ATP8A2: variants seen among roughly 807,000 people sequenced by gnomAD.
ATP8A2 encodes ATPase phospholipid transporting 8A2, also known as phospholipid-transporting ATPase IB.
Under a neutral mutation model 165.6 loss-of-function variants are expected in ATP8A2, and 100 were observed. The ratio of observed to expected loss-of-function variants is 0.60; its 90% CI spans 0.51 to 0.71. The LOEUF is 0.71. ATP8A2 is among the 30% of genes least tolerant of loss of function. The probability of loss-of-function intolerance (pLI) is 0.00; values close to 1 mark genes in which losing one functional copy is unlikely to be tolerated. For synonymous variants in ATP8A2, 543 were observed against 548.8 expected, an observed-to-expected ratio of 0.99 and a Z score of 0.15; for missense variants, 1,227 against 1,479.5, an observed-to-expected ratio of 0.83 and a Z score of 2.80.
rs778237397 is a variant in ATP8A2 at position 25,553,830 on chromosome 13, G to A, written c.1095G>A (p.Thr365=). The A allele has an allele frequency of 3.7e-6, 6 of 1,613,518 alleles. No homozygotes were observed. The South Asian group carries it at 5.5e-5, about 15-fold the overall frequency. Reference sequence around the variant, plus strand: ...ATAATTTTGGATACAACCTACTGACGTTCATCATCTTATACAACAATCTTA... The same window carrying A: ...ATAATTTTGGATACAACCTACTGACATTCATCATCTTATACAACAATCTTA... ...TSDNFGYNLL[T]FIILYNNLIP... is the part of the protein sequence containing the mutation. Residue 365 remains threonine (T), a synonymous_variant, in exon 12 of 37, where the codon ACG becomes ACA. Coordinates refer to ENST00000381655, the MANE Select transcript of ATP8A2 (RefSeq NM_016529.6).
At chr13:25,782,763 G>A (rs372148300) in intron 27 of ATP8A2, among the ~76,000 whole-genome samples, 8 of 152,128 alleles carry the variant, frequency 5.3e-5, no homozygotes, top group South Asian at 2.1e-4. Context: ...TTTTTGAGAC[G>A]GAGTTTCACT....
At chr13:25,452,955 C>T (rs538974849) in intron 1 of ATP8A2, among the ~76,000 whole-genome samples, 10 of 151,126 alleles carry the variant, frequency 6.6e-5, no homozygotes, top group African/African-American at 2.4e-4. Context: ...ATTAGCCATG[C>T]ATGGTGGTGG....
Position 25,507,247 on chromosome 13 carries a change from GTGTGTGTGTGTGTGTGTA to G in ATP8A2, c.222-22750_222-22733del, listed in dbSNP as rs1309485816. 2.2e-3 allele frequency among the ~76,000 whole-genome samples: 180 copies of G among 82,012 alleles called. 1 individual carries two copies. The highest frequency in any genetic ancestry group is 7.1e-3 in the Admixed American group (50 of 7,036). 53.8% of individuals were successfully genotyped at this position (82,012 alleles called of 152,430 possible). On this transcript the variant is annotated intron_variant, in intron 2 of 36. Coordinates refer to ENST00000381655, the MANE Select transcript of ATP8A2 (RefSeq NM_016529.6). ...TGTGTGTGTGTGTGTGTGTGTGTGT[GTGTGTGTGTGTGTGTGTA>G]TTTTGTTGTTGTTGTTTTGAGAAAG...
At position 25,935,776 on chromosome 13, in the gene ATP8A2, TG is replaced by T; in HGVS notation, c.3184-25794del. Among the ~76,000 whole-genome samples, 4 of 152,150 alleles carry T rather than the reference TG, an allele frequency of 2.6e-5. No homozygotes were observed. In the South Asian group the frequency reaches 8.3e-4, roughly 32 times the overall value. On this transcript the variant is annotated intron_variant, in intron 33 of 36. Coordinates refer to ENST00000381655, the MANE Select transcript of ATP8A2 (RefSeq NM_016529.6). ...CTCCCATGAGACCCCACCTTCAACG[TG>T]GGGGATCACATCTCAACATGAGATA... is the stretch of plus-strand genomic sequence containing the variant.
intron 15 of ATP8A2, 48 bp downstream of exon 15, chr13:25,559,813 G>GAATAATAATA: frequency 7.4e-7 from 1 of 1,359,590 alleles, no homozygotes; most frequent in Non-Finnish European, 1.1e-6. Flanking sequence ...AAAGCTTTTG[G>GAATAATAATA]AATAATTATT....
chr13:25,961,900 T>A lies in ATP8A2; in HGVS notation c.3272+237T>A, dbSNP rs1301712966. On this transcript the variant is annotated intron_variant, in intron 34 of 36. Coordinates refer to ENST00000381655, the MANE Select transcript of ATP8A2 (RefSeq NM_016529.6). ...TCAGCTGGGCATGGCAGCGCATAGCTCTAGTCTCAGCTACTTAGGAGGCCA... is the reference window on the plus strand; with the variant it reads ...TCAGCTGGGCATGGCAGCGCATAGCACTAGTCTCAGCTACTTAGGAGGCCA... 2.0e-5 allele frequency among the ~76,000 whole-genome samples: 3 copies of A among 152,268 alleles called. No homozygotes were observed. In the East Asian group the frequency reaches 5.8e-4, roughly 29 times the overall value.
intron 1 of ATP8A2, among the ~76,000 whole-genome samples, chr13:25,415,059 T>C (rs596924): frequency 1 from 151,808 of 152,350 alleles, 75,636 homozygotes; most frequent in East Asian, 1. Context: ...AAAAGTGGCG[T>C]TGAAAGCCAA....
chr13:25,480,425 C>T (rs2036144569), intron 2 of ATP8A2, among the ~76,000 whole-genome samples: 1 of 151,424 alleles, frequency 6.6e-6, no homozygotes, highest in Non-Finnish European at 1.5e-5. Flanking sequence ...CGGAGAGTCT[C>T]CTCCCTTCTC....
intron 25 of ATP8A2, chr13:25,705,215 G>T (rs2043032196): frequency 2.4e-6 from 1 of 421,826 alleles, no homozygotes; most frequent in Non-Finnish European, 4.7e-6. Context: ...ACTACCAGGG[G>T]AGAGGACTTT....
intron 33 of ATP8A2, among the ~76,000 whole-genome samples, chr13:25,909,357 G>A (rs1163275228): frequency 2.0e-5 from 3 of 152,156 alleles, no homozygotes. Context: ...ACTACACAAT[G>A]TAAATATGTA....
At position 25,381,532 on chromosome 13, in the gene ATP8A2, A is replaced by C. The variant is rs548037602; in HGVS notation, c.76+9244A>C. On this transcript the variant is annotated intron_variant, in intron 1 of 36. Transcript: ENST00000381655. ...ACTTTTAAAATTGTTCAAGACTTTG[A>C]GTTTTTAGGCATTTCTTTTAAACTA... Among the ~76,000 whole-genome samples, 8 of 152,252 alleles carry C rather than the reference A, an allele frequency of 5.3e-5. No individual in the cohort carries two copies. The East Asian group carries it at 1.5e-3, about 29-fold the overall frequency.
intron 16 of ATP8A2, among the ~76,000 whole-genome samples, chr13:25,564,682 G>T (rs572801197): frequency 7.3e-4 from 111 of 152,186 alleles, no homozygotes; most frequent in Admixed American, 2.1e-3. Context: ...TATTTTATTT[G>T]TTATTTATTT....
At chr13:25,547,979 A>G (rs982677844) in intron 10 of ATP8A2, among the ~76,000 whole-genome samples, 1 of 152,100 alleles carries the variant, frequency 6.6e-6, no homozygotes, top group Non-Finnish European at 1.5e-5. Context: ...ATCCTAGCAC[A>G]TTGGGAGGCG....
chr13:25,635,989 G>T (rs2041358061), intron 24 of ATP8A2, among the ~76,000 whole-genome samples: 1 of 152,150 alleles, frequency 6.6e-6, no homozygotes, highest in African/African-American at 2.4e-5. Context: ...GTCCAGATTT[G>T]CATGCCTGGA....
chr13:25,606,914 T>A lies in ATP8A2; in HGVS notation c.2211+17215T>A, dbSNP rs113880510. Among the ~76,000 whole-genome samples, 801 of 151,874 alleles carry A rather than the reference T, an allele frequency of 5.3e-3. 9 individuals are homozygous for A. The highest frequency in any genetic ancestry group is 0.021 in the South Asian group (98 of 4,780). Reference sequence around the variant, plus strand: ...ACAAGGCAGCAGAGTGTAGATAATTTTCAAGGGTCCCCGACCCCCAGGGCA... The same window carrying A: ...ACAAGGCAGCAGAGTGTAGATAATTATCAAGGGTCCCCGACCCCCAGGGCA... On this transcript the variant is annotated intron_variant, in intron 24 of 36. Coordinates refer to ENST00000381655, the MANE Select transcript of ATP8A2 (RefSeq NM_016529.6).
chr13:25,988,074 C>T (rs769113764), intron 35 of ATP8A2, among the ~76,000 whole-genome samples: 2 of 152,238 alleles, frequency 1.3e-5, no homozygotes, highest in Non-Finnish European at 2.9e-5. Context: ...TACAGGTTTA[C>T]AGAAAATGAA....
chr13:25,484,255 A>G (rs951840605), intron 2 of ATP8A2, among the ~76,000 whole-genome samples: 20 of 152,208 alleles, frequency 1.3e-4, no homozygotes, highest in African/African-American at 4.6e-4. Context: ...ATTCTTTATG[A>G]TAGAATGGTT....
intron 27 of ATP8A2, among the ~76,000 whole-genome samples, chr13:25,778,146 A>G (rs1024751151): frequency 2.6e-5 from 4 of 152,200 alleles, no homozygotes; most frequent in African/African-American, 4.8e-5. Context: ...ACTGATAAAC[A>G]TTCCACTTCT....
intron 18 of ATP8A2, among the ~76,000 whole-genome samples, chr13:25,574,580 A>G (rs930449402): frequency 1.5e-4 from 23 of 152,204 alleles, no homozygotes; most frequent in African/African-American, 5.5e-4. Flanking sequence ...ATCTCTTGGA[A>G]GTGCCTGCAC....
Sources: allele counts gnomAD v4.1 joint callset (sites outside exome capture counted in the v4.1 genomes callset), GRCh38; gene constraint gnomAD v4.1.1; transcripts MANE v1.5; gene names NCBI Gene and HGNC (gene_info 2026-07-23, HGNC 2026-07-21).